The following PDE10A variants were observed in gnomAD, a reference collection of about 807,000 sequenced individuals.
PDE10A encodes the protein cAMP and cAMP-inhibited cGMP 3',5'-cyclic phosphodiesterase 10A.
PDE10A carries 39 observed loss-of-function variants against 97.7 expected under a neutral mutation model. The observed-to-expected ratio is 0.40, with a 90% CI of 0.31 to 0.52. PDE10A has a LOEUF of 0.52. Ranked by LOEUF, PDE10A falls within the 20% of genes least tolerant of loss-of-function variation. The probability of loss-of-function intolerance (pLI) is 0.56; values close to 1 mark genes in which losing one functional copy is unlikely to be tolerated. For synonymous variants in PDE10A, 371 were observed against 376.8 expected, an observed-to-expected ratio of 0.98 and a Z score of 0.18; for missense variants, 731 against 1,047.8, an observed-to-expected ratio of 0.70 and a Z score of 4.17.
chr6:165,771,401 A>G (rs1023443616), intron 1 of PDE10A, among the ~76,000 whole-genome samples: 4 of 151,998 alleles, frequency 2.6e-5, no homozygotes, highest in African/African-American at 7.3e-5. Context: ...CATGAGCCCT[A>G]CAGACGTTTG....
intron 1 of PDE10A, among the ~76,000 whole-genome samples, chr6:165,839,736 T>C (rs1295078687): frequency 1.8e-4 from 1 of 5,658 alleles, no homozygotes; most frequent in East Asian, 5.6e-3. Flanking sequence ...TCAAACCTCA[T>C]CTTCATTCTT....
chr6:165,413,990 A>C (rs1440440643), intron 12 of PDE10A, among the ~76,000 whole-genome samples: 2 of 149,464 alleles, frequency 1.3e-5, no homozygotes, highest in African/African-American at 5.1e-5. Context: ...TAAACAGACC[A>C]AAAAAAAACG....
At chr6:165,869,976 T>C (rs1781156118) in intron 1 of PDE10A, among the ~76,000 whole-genome samples, 1 of 151,990 alleles carries the variant, frequency 6.6e-6, no homozygotes, top group Admixed American at 6.6e-5. Context: ...AACTTAAGAA[T>C]AAAAACCATG....
chr6:165,804,291 T>TGTAGTATTCTCTTCCAAATC (rs1300269980), intron 1 of PDE10A, among the ~76,000 whole-genome samples: 1 of 152,166 alleles, frequency 6.6e-6, no homozygotes, highest in Non-Finnish European at 1.5e-5. Flanking sequence ...ATCCTCAAAT[T>TGTAGTATTCTCTTCCAAATC]GTAGTATTTT....
intron 1 of PDE10A, among the ~76,000 whole-genome samples, chr6:165,649,706 C>T (rs1163743248): frequency 6.6e-6 from 1 of 152,164 alleles, no homozygotes; most frequent in Non-Finnish European, 1.5e-5. Context: ...TAATAAATTG[C>T]TGGGGCCCCC....
intron 18 of PDE10A, among the ~76,000 whole-genome samples, chr6:165,347,718 C>A (rs1225571637): frequency 1.3e-5 from 2 of 152,160 alleles, no homozygotes; most frequent in African/African-American, 4.8e-5. Flanking sequence ...ATTTCAGGTT[C>A]TTCAGTTGAG....
intron 1 of PDE10A, among the ~76,000 whole-genome samples, chr6:165,636,312 C>T (rs1351100583): frequency 6.6e-6 from 1 of 152,176 alleles, no homozygotes; most frequent in African/African-American, 2.4e-5. Flanking sequence ...CACACACACA[C>T]ACACAAACAC....
At chr6:165,893,824 AT>A (rs11381418) in intron 1 of PDE10A, among the ~76,000 whole-genome samples, 8,455 of 145,230 alleles carry the variant, frequency 0.058, 279 homozygotes, top group Middle Eastern at 0.13. Flanking sequence ...CATTAGTGCC[AT>A]TTTTTTTTTT....
intron 1 of PDE10A, among the ~76,000 whole-genome samples, chr6:165,815,771 CT>C (rs1222509040): frequency 6.6e-6 from 1 of 152,054 alleles, no homozygotes; most frequent in African/African-American, 2.4e-5. Context: ...AGTACTTTCA[CT>C]CTTTTTTAAA....
intron 2 of PDE10A, among the ~76,000 whole-genome samples, chr6:165,492,286 G>C (rs1401650600): frequency 6.6e-6 from 1 of 152,148 alleles, no homozygotes. Flanking sequence ...ATTCAAAGAA[G>C]AATTGGTACC....
chr6:165,891,743 T>A (rs942963179), intron 1 of PDE10A, among the ~76,000 whole-genome samples: 1 of 151,988 alleles, frequency 6.6e-6, no homozygotes, highest in African/African-American at 2.4e-5. Flanking sequence ...TGACTGGAAA[T>A]AAAATTCAAG....
chr6:165,459,580 T>TAG (rs113225504), intron 3 of PDE10A, among the ~76,000 whole-genome samples: 2,189 of 51,856 alleles, frequency 0.042, 62 homozygotes, highest in African/African-American at 0.19. Flanking sequence ...TAATGATAGA[T>TAG]ATATATATAT....
intron 1 of PDE10A, among the ~76,000 whole-genome samples, chr6:165,772,304 TAGATTTTTACTATATG>T (rs1039447927): frequency 2.6e-5 from 4 of 152,218 alleles, no homozygotes; most frequent in African/African-American, 9.7e-5. Flanking sequence ...GGCTAAATGC[TAGATTTTTACTATATG>T]AGAGAGTAAA....
chr6:165,972,708 C>G (rs1196223549), intron 1 of PDE10A, among the ~76,000 whole-genome samples: 1 of 152,112 alleles, frequency 6.6e-6, no homozygotes, highest in Non-Finnish European at 1.5e-5. Flanking sequence ...AGGGACAACC[C>G]TTCATCCAAA....
intron 1 of PDE10A, among the ~76,000 whole-genome samples, chr6:165,760,860 T>C (rs1248088172): frequency 1.3e-5 from 2 of 152,150 alleles, no homozygotes; most frequent in African/African-American, 4.8e-5. Flanking sequence ...TTGTAGCAGC[T>C]CCAACTGCTT....
chr6:165,505,454 C>T (rs1781136029), intron 2 of PDE10A, among the ~76,000 whole-genome samples: 1 of 152,086 alleles, frequency 6.6e-6, no homozygotes, highest in East Asian at 1.9e-4. Flanking sequence ...TAAACATACA[C>T]TGATCCAACT....
At chr6:165,585,919 C>T (rs1052529439) in intron 1 of PDE10A, among the ~76,000 whole-genome samples, 1 of 152,158 alleles carries the variant, frequency 6.6e-6, no homozygotes, top group Admixed American at 6.5e-5. Context: ...GTAATCAGCT[C>T]TTGAAGCTGC....
chr6:165,823,083 C>T (rs565809406), intron 1 of PDE10A, among the ~76,000 whole-genome samples: 13 of 152,020 alleles, frequency 8.6e-5, no homozygotes, highest in African/African-American at 2.2e-4. Context: ...CCACCCGCCT[C>T]GTCCTCCCAA....
At chr6:165,769,180 G>A (rs1216417960) in intron 1 of PDE10A, among the ~76,000 whole-genome samples, 1 of 152,170 alleles carries the variant, frequency 6.6e-6, no homozygotes, top group Non-Finnish European at 1.5e-5. Context: ...CCAGAACAGT[G>A]GTCATTAGCC....
Sources: allele counts gnomAD v4.1 joint callset (sites outside exome capture counted in the v4.1 genomes callset), GRCh38; gene constraint gnomAD v4.1.1; transcripts MANE v1.5; gene names NCBI Gene and HGNC (gene_info 2026-07-23, HGNC 2026-07-21).